GMPR: variants seen among roughly 807,000 people sequenced by gnomAD.
GMPR encodes the protein guanosine monophosphate reductase, also known as GMP reductase 1.
A neutral mutation model predicts 38.4 loss-of-function variants in GMPR; 31 were observed. The ratio of observed to expected loss-of-function variants is 0.81; its 90% CI spans 0.61 to 1.09. The LOEUF (loss-of-function observed/expected upper bound fraction) is 1.09. Among genes scored for constraint, GMPR ranks in the 50% least tolerant of loss-of-function variants. The probability of loss-of-function intolerance (pLI) is 0.00; values close to 1 mark genes in which losing one functional copy is unlikely to be tolerated. For synonymous variants in GMPR, 162 were observed against 173.3 expected (o/e 0.93, Z 0.51); for missense variants, 468 against 453.7 (o/e 1.03, Z -0.29).
At chr6:16,267,375 A>AC (rs1759275324) in intron 4 of GMPR, among the ~76,000 whole-genome samples, 1 of 149,686 alleles carries the variant, frequency 6.7e-6, no homozygotes, top group Non-Finnish European at 1.5e-5. Flanking sequence ...GTCTCAAAAA[A>AC]CAAAGAGCTG....
At chr6:16,289,480 C>T (rs140077867) in intron 7 of GMPR, 1 of 152,234 alleles carries the variant, frequency 6.6e-6, no homozygotes, top group Non-Finnish European at 1.5e-5. Flanking sequence ...ATAGAACCAG[C>T]CCTGGGCCTG....
At position 16,290,583 on chromosome 6, in the gene GMPR, C is replaced by T. The variant is rs778442053; in HGVS notation, c.819C>T (p.Thr273=). The T allele has an allele frequency of 1.9e-5, 30 of 1,614,002 alleles. No homozygotes were observed. Among genetic ancestry groups the T allele is most frequent in the Admixed American group, 1.0e-4 (6 of 60,004 alleles). ...TCTTCTACGGGATGAGCTCTGACAC[C>T]GCCATGAACAAGCACGCAGGAGGAG... ...LKLFYGMSSD[T]AMNKHAGGVA... is the part of the protein sequence containing the mutation. Residue 273 remains threonine (T), a synonymous_variant, in exon 8 of 9, where the codon ACC becomes ACT. Coordinates refer to ENST00000259727, the MANE Select transcript of GMPR (RefSeq NM_006877.4).
intron 3 of GMPR, among the ~76,000 whole-genome samples, chr6:16,252,206 G>C (rs1351067626): frequency 2.0e-5 from 3 of 152,076 alleles, no homozygotes; most frequent in South Asian, 4.1e-4. Flanking sequence ...CCTATAATAA[G>C]TTTGGGAATA....
At chr6:16,287,657 G>A (rs1759712919) in intron 7 of GMPR, among the ~76,000 whole-genome samples, 1 of 152,222 alleles carries the variant, frequency 6.6e-6, no homozygotes, top group African/African-American at 2.4e-5. Context: ...CAGAGGTGCT[G>A]TGCTCCTGAA....
intron 8 of GMPR, among the ~76,000 whole-genome samples, chr6:16,293,460 A>G (rs772124906): frequency 2.6e-5 from 4 of 152,232 alleles, no homozygotes; most frequent in Non-Finnish European, 4.4e-5. Flanking sequence ...TGATGGTTTA[A>G]GTAGCTGGAT....
At chr6:16,263,249 C>T (rs980205547) in intron 4 of GMPR, 2 of 151,836 alleles carry the variant, frequency 1.3e-5, no homozygotes, top group Non-Finnish European at 1.5e-5. Flanking sequence ...ACCATTTGCC[C>T]ATTGTACGAC....
chr6:16,275,580 C>G (rs1456678559), intron 5 of GMPR, among the ~76,000 whole-genome samples: 27 of 150,184 alleles, frequency 1.8e-4, no homozygotes, highest in Admixed American at 1.8e-3. Flanking sequence ...GGGAAGAGGT[C>G]TTTACTGAGT....
intron 1 of GMPR, among the ~76,000 whole-genome samples, chr6:16,242,349 T>A (rs1581644005): frequency 7.1e-6 from 1 of 140,734 alleles, no homozygotes; most frequent in Admixed American, 7.1e-5. Flanking sequence ...TTTTTTTTTT[T>A]AACCTTTGCC....
At position 16,295,416 on chromosome 6, in the gene GMPR, C is replaced by A; in HGVS notation, c.*230C>A. 1 of 404,986 alleles carries A rather than the reference C, an allele frequency of 2.5e-6. No individual in the cohort carries two copies. The highest frequency in any genetic ancestry group is 2.1e-5 in the African/African-American group (1 of 48,592). 25.1% of individuals were successfully genotyped at this position (404,986 alleles called of 1,614,324 possible). A position where few individuals can be genotyped will look rare whatever the true frequency, so the allele number is the denominator to read the frequency against. On this transcript the variant is annotated 3_prime_UTR_variant, in exon 9 of 9. Transcript: ENST00000259727. ...AACATCAGAGCCCTGCTGCCCAGAA[C>A]TCATAACCTCATTGTTCAAACCAAC...
Position 16,295,023 on chromosome 6 carries a change from C to G in GMPR, c.875C>G (p.Thr292Ser). 6.2e-7 allele frequency: 1 copy of G among 1,609,244 alleles called. No homozygotes were observed. Among genetic ancestry groups the G allele is most frequent in the Non-Finnish European group, 8.5e-7 (1 of 1,177,782 alleles). ...VAEYRASEGK[T>S]VEVPYKGDVE... ...TCTTCCAGAGCCTCTGAGGGTAAGACTGTGGAAGTTCCTTACAAAGGAGAT... is the reference window on the plus strand; with the variant it reads ...TCTTCCAGAGCCTCTGAGGGTAAGAGTGTGGAAGTTCCTTACAAAGGAGAT... The change falls in exon 9 of 9, where the codon ACT becomes AGT. Residue 292 changes from threonine to serine, a missense_variant. Thr to Ser is a moderately conservative substitution (Grantham distance 58). Coordinates refer to ENST00000259727, the MANE Select transcript of GMPR (RefSeq NM_006877.4).
intron 4 of GMPR, among the ~76,000 whole-genome samples, chr6:16,270,677 C>G (rs187672789): frequency 6.6e-6 from 1 of 152,320 alleles, no homozygotes; most frequent in East Asian, 1.9e-4. Flanking sequence ...TTTGTTCCTG[C>G]CAATGGAAAC....
chr6:16,250,405 A>AG (rs771290598), intron 3 of GMPR, 38 bp downstream of exon 3: 9 of 1,138,384 alleles, frequency 7.9e-6, no homozygotes, highest in Admixed American at 1.7e-5. Context: ...CCAGTGCTGC[A>AG]GGGGGGAACA....
In GMPR at chr6:16,278,895, G is replaced by A. The variant is rs560924961; in HGVS notation, c.654+5G>A. On this transcript the variant is annotated splice_donor_5th_base_variant and intron_variant, in intron 6 of 8. Coordinates refer to ENST00000259727, the MANE Select transcript of GMPR (RefSeq NM_006877.4). The stretch of plus-strand genomic sequence containing the variant: ...CTGAAGGGCCACATCATCTCTGTGA[G>A]TCTCCACCCGGGGCTGAGGCTGGGG... The A allele has an allele frequency of 1.3e-6, 2 of 1,584,384 alleles. No homozygotes were observed. Among genetic ancestry groups the A allele is most frequent in the South Asian group, 1.1e-5 (1 of 90,156 alleles).
chr6:16,272,975 T>C (rs923383025), intron 4 of GMPR, among the ~76,000 whole-genome samples: 1 of 152,198 alleles, frequency 6.6e-6, no homozygotes, highest in Non-Finnish European at 1.5e-5. Context: ...GTTTTTAGTT[T>C]TTATGTAGAC....
intron 7 of GMPR, among the ~76,000 whole-genome samples, chr6:16,289,242 C>T (rs927837204): frequency 6.6e-6 from 1 of 152,194 alleles, no homozygotes; most frequent in East Asian, 1.9e-4. Context: ...CCTTATAGAG[C>T]TGTTACACTC....
intron 4 of GMPR, chr6:16,264,513 C>G (rs1759151760): frequency 6.4e-6 from 1 of 156,518 alleles, no homozygotes; most frequent in South Asian, 1.9e-4. Context: ...GACCACCAAA[C>G]AGGCTTTGTG....
intron 1 of GMPR, among the ~76,000 whole-genome samples, chr6:16,244,998 T>G (rs565783026): frequency 1.3e-5 from 2 of 152,160 alleles, no homozygotes; most frequent in Non-Finnish European, 2.9e-5. Flanking sequence ...GTGCAGAGTG[T>G]AGCAGCTAGC....
intron 8 of GMPR, among the ~76,000 whole-genome samples, chr6:16,294,491 C>G (rs7765828): frequency 0.56 from 85,894 of 152,096 alleles, 27,242 homozygotes; most frequent in East Asian, 0.88. Context: ...TGATCTTAGA[C>G]CAGACAGGCG....
At chr6:16,260,004 T>G (rs1314513499) in intron 4 of GMPR, among the ~76,000 whole-genome samples, 3 of 151,846 alleles carry the variant, frequency 2.0e-5, no homozygotes, top group East Asian at 1.9e-4. Flanking sequence ...CAAGTTTTTT[T>G]GGGGCACAGT....
Sources: allele counts gnomAD v4.1 joint callset (sites outside exome capture counted in the v4.1 genomes callset), GRCh38; gene constraint gnomAD v4.1.1; transcripts MANE v1.5; gene names NCBI Gene and HGNC (gene_info 2026-07-23, HGNC 2026-07-21).